The following NCKAP5L variants were observed in gnomAD, a reference collection of about 807,000 sequenced individuals.
NCKAP5L encodes the protein nck-associated protein 5-like.
NCKAP5L carries 54 observed loss-of-function variants against 103.2 expected under a neutral mutation model. The ratio of observed to expected loss-of-function variants is 0.52; its 90% CI spans 0.42 to 0.66. NCKAP5L has a LOEUF of 0.66. Among genes scored for constraint, NCKAP5L ranks in the 30% least tolerant of loss-of-function variants. NCKAP5L has a pLI of 0.00. For missense variants in NCKAP5L, 1,733 were observed against 1,750.6 expected (o/e 0.99, Z 0.18); for synonymous variants, 762 against 748.6 (o/e 1.02, Z -0.29).
In NCKAP5L at chr12:49,803,120, T is replaced by C. The variant is rs762681317; in HGVS notation, c.169A>G (p.Thr57Ala). Residue 57 changes from threonine (T) to alanine (A), a missense_variant, in exon 4 of 13, where the codon ACT (threonine) becomes GCT (alanine). Coordinates refer to ENST00000335999, the MANE Select transcript of NCKAP5L (RefSeq NM_001037806.4). ...LAQANENQRETYERCLDEVAN... is the reference protein window; with the variant it reads ...LAQANENQREAYERCLDEVAN... ...ACCTCGTCCAGACAGCGCTCATAAG[T>C]CTCCCGCTGGTTTTCGTTGGCCTGG... 6.2e-7 allele frequency: 1 copy of C among 1,614,176 alleles called. No homozygotes were observed. The highest frequency in any genetic ancestry group is 1.1e-5 in the South Asian group (1 of 91,080).
chr12:49,822,784 G>A (rs1341479817), intron 1 of NCKAP5L, among the ~76,000 whole-genome samples: 3 of 151,984 alleles, frequency 2.0e-5, no homozygotes, highest in Non-Finnish European at 4.4e-5. Flanking sequence ...CTGACCTCAA[G>A]TGATCCGCCC....
intron 1 of NCKAP5L, among the ~76,000 whole-genome samples, chr12:49,807,603 C>T (rs1009298729): frequency 6.6e-5 from 10 of 152,066 alleles, no homozygotes; most frequent in East Asian, 3.8e-4. Flanking sequence ...AACATTATCA[C>T]GTTTGATAGA....
chr12:49,792,920 C>G lies in NCKAP5L; in HGVS notation c.3407G>C (p.Ser1136Thr), dbSNP rs757784415. Residue 1136 changes from serine (S) to threonine (T), a missense_variant, in exon 11 of 13, where the codon AGC (serine) becomes ACC (threonine). By Grantham distance (58) the Ser-to-Thr change is moderately conservative. Transcript: ENST00000335999. The surrounding 1 kb of genome is among the most constrained non-coding windows in gnomAD (Gnocchi z 4.5). ...IGTFPPPDHG[S>T]SGTPSKNLPK... is the part of the protein sequence containing the mutation. Reference sequence around the variant, plus strand: ...AAGATTCTTGCTGGGGGTCCCACTGCTACCATGGTCTGGGGGTGGGAAGGT... The same window carrying G: ...AAGATTCTTGCTGGGGGTCCCACTGGTACCATGGTCTGGGGGTGGGAAGGT... The G allele has an allele frequency of 2.6e-6, 4 of 1,552,058 alleles. No homozygotes were observed. The highest frequency in any genetic ancestry group is 3.5e-6 in the Non-Finnish European group (4 of 1,156,496).
At chr12:49,798,588 A>G (rs927601843) in intron 6 of NCKAP5L, 125 bp from the exon 7 acceptor site, 1 of 793,436 alleles carries the variant, frequency 1.3e-6, no homozygotes, top group Non-Finnish European at 2.1e-6. Flanking sequence ...CCCAGCCCCA[A>G]ATGCAGCTCT....
chr12:49,808,070 G>T (rs934553249), intron 1 of NCKAP5L, among the ~76,000 whole-genome samples: 1 of 152,244 alleles, frequency 6.6e-6, no homozygotes, highest in Non-Finnish European at 1.5e-5. Context: ...AGGCTGTGAG[G>T]ACTGGCTGCG....
chr12:49,792,029 C>T lies in NCKAP5L; in HGVS notation c.3815G>A (p.Arg1272Gln), dbSNP rs759933878. Residue 1272 changes from arginine (R) to glutamine (Q), a missense_variant, in exon 13 of 13, where the codon CGA (arginine) becomes CAA (glutamine). Physicochemically the swap from Arg to Gln is conservative, Grantham distance 43 (BLOSUM62 1). Transcript: ENST00000335999. The surrounding 1 kb of genome is among the most constrained non-coding windows in gnomAD (Gnocchi z 4.5). ...GGACGGGCGGCTGGGCTCCTGGCTT[C>T]GCTTCCGGTCCACGGGCAGGGCCTG... ...TPMALPVDRKRSQEPSRPSPT... is the reference protein window; with the variant it reads ...TPMALPVDRKQSQEPSRPSPT... 9.0e-6 allele frequency: 14 copies of T among 1,557,302 alleles called. No homozygotes were observed. Among genetic ancestry groups the T allele is most frequent in the African/African-American group, 1.4e-5 (1 of 73,178 alleles).
Position 49,795,534 on chromosome 12 carries a change from C to G in NCKAP5L, c.2326G>C (p.Glu776Gln), listed in dbSNP as rs745442061. 6.5e-6 allele frequency: 10 copies of G among 1,533,762 alleles called. No homozygotes were observed. In the South Asian group the frequency reaches 6.5e-5, roughly 10 times the overall value. Residue 776 changes from glutamate (E) to glutamine (Q), a missense_variant, in exon 8 of 13, where the codon GAG (glutamate) becomes CAG (glutamine). Physicochemically the swap from Glu to Gln is conservative, Grantham distance 29. Transcript: ENST00000335999. Reference protein sequence around the residue: ...VSPRSCLTKVELAKSRLAGAL... With the variant: ...VSPRSCLTKVQLAKSRLAGAL... ...CCTGCCAGCCGGCTCTTGGCCAGCT[C>G]CACTTTGGTGAGGCAGCTCCTTGGT...
intron 1 of NCKAP5L, among the ~76,000 whole-genome samples, chr12:49,815,855 T>C (rs1282636528): frequency 6.6e-6 from 1 of 152,152 alleles, no homozygotes; most frequent in African/African-American, 2.4e-5. Flanking sequence ...TGTATTTTCC[T>C]TGCCACAAAC....
In NCKAP5L at chr12:49,801,899, C is replaced by T. The variant is rs768057977; in HGVS notation, c.300G>A (p.Leu100=). ...VFDLERQNQM[L]SALFQQKLQL... ...GGAGTTTCTGCTGAAACAGGGCACTCAGCATCTGGTTCTGCCGTTCCAGGT... is the reference window on the plus strand; with the variant it reads ...GGAGTTTCTGCTGAAACAGGGCACTTAGCATCTGGTTCTGCCGTTCCAGGT... Residue 100 remains leucine (L), a synonymous_variant, in exon 6 of 13, where the codon CTG becomes CTA. Coordinates refer to ENST00000335999, the MANE Select transcript of NCKAP5L (RefSeq NM_001037806.4). 8 of 1,613,982 alleles carry T rather than the reference C, an allele frequency of 5.0e-6. No individual in the cohort carries two copies. Among genetic ancestry groups the T allele is most frequent in the Non-Finnish European group, 6.8e-6 (8 of 1,179,874 alleles).
chr12:49,798,149 G>A (rs1946078921), intron 7 of NCKAP5L, among the ~76,000 whole-genome samples: 1 of 152,208 alleles, frequency 6.6e-6, no homozygotes, highest in Non-Finnish European at 1.5e-5. Context: ...AGCTCAGTAA[G>A]TGTTAACCAT....
Position 49,796,529 on chromosome 12 carries a change from G to A in NCKAP5L, c.1331C>T (p.Ala444Val). 6.4e-7 allele frequency: 1 copy of A among 1,572,432 alleles called. No homozygotes were observed. The highest frequency in any genetic ancestry group is 8.6e-7 in the Non-Finnish European group (1 of 1,162,438). ...LQIGPPSPGE[A>V]QGPLLPSPAR... is the part of the protein sequence containing the mutation. ...TGGAGAGGGCAGAAGGGGTCCCTGA[G>A]CTTCCCCAGGAGAAGGGGGGCCAAT... Residue 444 changes from alanine to valine, a missense_variant, in exon 8 of 13, where the codon GCT becomes GTT. By Grantham distance (64) the Ala-to-Val change is moderately conservative. Transcript: ENST00000335999.
At chr12:49,793,304 G>C in intron 10 of NCKAP5L, 48 bp downstream of exon 10, 3 of 1,549,948 alleles carry the variant, frequency 1.9e-6, no homozygotes, top group Non-Finnish European at 2.6e-6. Flanking sequence ...GGAAGAAGTG[G>C]GTAGGGGGGT....
intron 1 of NCKAP5L, among the ~76,000 whole-genome samples, chr12:49,818,207 G>A (rs1479262243): frequency 6.6e-6 from 1 of 152,006 alleles, no homozygotes; most frequent in Non-Finnish European, 1.5e-5. Flanking sequence ...AAAATACAGG[G>A]TAAAAACTCC....
Position 49,791,711 on chromosome 12 carries a change from ACCTTCTTAT to A in NCKAP5L, c.*119_*127del. 1.3e-6 allele frequency: 1 copy of A among 771,206 alleles called. No individual in the cohort carries two copies. 47.8% of individuals were successfully genotyped at this position (771,206 alleles called of 1,614,324 possible). A position where few individuals can be genotyped will look rare whatever the true frequency, so the allele number is the denominator to read the frequency against. On this transcript the variant is annotated 3_prime_UTR_variant, in exon 13 of 13. Coordinates refer to ENST00000335999, the MANE Select transcript of NCKAP5L (RefSeq NM_001037806.4). Reference sequence around the variant, plus strand: ...GGGGTGTGCCAGGGACCCCCTTTTCACCTTCTTATCCACCTGCCTCCTTGGTCCCTTCAG... The same window carrying A: ...GGGGTGTGCCAGGGACCCCCTTTTCACCACCTGCCTCCTTGGTCCCTTCAG...
At position 49,791,801 on chromosome 12, in the gene NCKAP5L, T is replaced by A; in HGVS notation, c.*38A>T. On this transcript the variant is annotated 3_prime_UTR_variant, in exon 13 of 13. Transcript: ENST00000335999. ...TGAAGAGAGCCGGTCCAGTCTGTGG[T>A]CCCCAGCTCCAGCGGGGCCGTGGCG... The A allele has an allele frequency of 6.7e-7, 1 of 1,500,804 alleles. No homozygotes were observed. The allele number at this position is 1,500,804 out of a possible 1,614,324, so 93.0% of individuals were successfully genotyped here. A position where few individuals can be genotyped will look rare whatever the true frequency, so the allele number is the denominator to read the frequency against.
In NCKAP5L at chr12:49,813,550, T is replaced by C. The variant is rs143792878; in HGVS notation, c.-98-7509A>G. Among the ~76,000 whole-genome samples the C allele has an allele frequency of 3.3e-5, 5 of 152,272 alleles. No homozygotes were observed. The East Asian group carries it at 9.6e-4, about 29-fold the overall frequency. On this transcript the variant is annotated intron_variant, in intron 1 of 12. Coordinates refer to ENST00000335999, the MANE Select transcript of NCKAP5L (RefSeq NM_001037806.4). ...TTTTTATTTTTTACTTTTTTTGAGATGGAGTCTCACTCTGTCGCTCAGGCT... is the reference window on the plus strand; with the variant it reads ...TTTTTATTTTTTACTTTTTTTGAGACGGAGTCTCACTCTGTCGCTCAGGCT...
Position 49,797,076 on chromosome 12 carries a change from C to T in NCKAP5L, c.784G>A (p.Gly262Arg), listed in dbSNP as rs1054302211. Residue 262 changes from glycine to arginine, a missense_variant, in exon 8 of 13, where the codon GGG becomes AGG. By Grantham distance (125) the Gly-to-Arg change is moderately radical. Coordinates refer to ENST00000335999, the MANE Select transcript of NCKAP5L (RefSeq NM_001037806.4). The surrounding 1 kb of genome is among the most constrained non-coding windows in gnomAD (Gnocchi z 4.5). ...GTGTCCTCTTCCCCTCCCAGACCCC[C>T]CAAGAGGCGCTCCCAGTGCAGCAGG... is the stretch of plus-strand genomic sequence containing the variant. ...GGLLHWERLL[G>R]GLGGEEDTGR... 1.9e-6 allele frequency: 3 copies of T among 1,579,296 alleles called. No homozygotes were observed. Among genetic ancestry groups the T allele is most frequent in the Non-Finnish European group, 2.6e-6 (3 of 1,163,164 alleles).
At chr12:49,827,931 A>C (rs1034966774) in intron 1 of NCKAP5L, among the ~76,000 whole-genome samples, 1 of 152,124 alleles carries the variant, frequency 6.6e-6, no homozygotes, top group African/African-American at 2.4e-5. Context: ...GCTAAGCGGC[A>C]CCCGGACGGT....
Position 49,797,929 on chromosome 12 carries a change from T to C in NCKAP5L, c.465+421A>G, listed in dbSNP as rs2603103. ...GCCCAGCCCTTTCTCAGGTGTAGCA[T>C]AGTGTGGTATAGTGGGCAACCCATA... On this transcript the variant is annotated intron_variant, in intron 7 of 12. Coordinates refer to ENST00000335999, the MANE Select transcript of NCKAP5L (RefSeq NM_001037806.4). This position sits in a 1 kb window ranked among gnomAD's most constrained non-coding sequence, Gnocchi z 4.5. Among the ~76,000 whole-genome samples, 2,599 of 152,228 alleles carry C rather than the reference T, an allele frequency of 0.017. 88 individuals are homozygous for C. Among genetic ancestry groups the C allele is most frequent in the African/African-American group, 0.058 (2,428 of 41,528 alleles).
Sources: allele counts gnomAD v4.1 joint callset (sites outside exome capture counted in the v4.1 genomes callset), GRCh38; gene constraint gnomAD v4.1.1; non-coding constraint Gnocchi (gnomAD v3.1); transcripts MANE v1.5; gene names NCBI Gene and HGNC (gene_info 2026-07-23, HGNC 2026-07-21).